Variants in NCK1 observed in about 807,000 individuals in gnomAD.
The protein encoded by NCK1 is SH2/SH3 adapter protein NCK1.
A neutral mutation model predicts 36.6 loss-of-function variants in NCK1; 19 were observed. The observed-to-expected ratio is 0.52, with a 90% CI of 0.36 to 0.76. The LOEUF is 0.76. Among genes scored for constraint, NCK1 ranks in the 30% least tolerant of loss-of-function variants. The pLI is 0.00. For missense variants in NCK1, 358 were observed against 445.6 expected, an observed-to-expected ratio of 0.80 and a Z score of 1.77; for synonymous variants, 165 against 156.0, an observed-to-expected ratio of 1.06 and a Z score of -0.43.
chr3:136,906,078 A>T (rs1011352683), intron 1 of NCK1, among the ~76,000 whole-genome samples: 1 of 151,932 alleles, frequency 6.6e-6, no homozygotes, highest in Non-Finnish European at 1.5e-5. Context: ...ATTGTCTTTC[A>T]TAGGGGAGGA....
chr3:136,937,899 C>A (rs956614769), intron 2 of NCK1, among the ~76,000 whole-genome samples: 4 of 151,856 alleles, frequency 2.6e-5, no homozygotes, highest in Admixed American at 2.0e-4. Flanking sequence ...TTTTTCCCCT[C>A]CCTAATTGCT....
chr3:136,899,543 G>T, intron 1 of NCK1: 1 of 511,022 alleles, frequency 2.0e-6, no homozygotes, highest in South Asian at 2.0e-5. Context: ...AGTCTGGTTT[G>T]GTGTTATTAG....
At chr3:136,870,060 A>T (rs1013174643) in intron 1 of NCK1, among the ~76,000 whole-genome samples, 2 of 144,082 alleles carry the variant, frequency 1.4e-5, no homozygotes, top group African/African-American at 5.2e-5. Flanking sequence ...TAAAAGAATC[A>T]TCCTGGCCCA....
intron 1 of NCK1, among the ~76,000 whole-genome samples, chr3:136,872,112 G>C (rs1473782578): frequency 6.6e-6 from 1 of 152,178 alleles, no homozygotes; most frequent in Admixed American, 6.5e-5. Flanking sequence ...AACAGGCAGA[G>C]GTTGGAACAG....
intron 2 of NCK1, among the ~76,000 whole-genome samples, chr3:136,935,733 A>G (rs1940512494): frequency 1.3e-5 from 2 of 152,240 alleles, no homozygotes; most frequent in South Asian, 4.1e-4. Flanking sequence ...TTTGTATAAC[A>G]TAAAATTAAC....
intron 1 of NCK1, among the ~76,000 whole-genome samples, chr3:136,869,403 A>T (rs1938542840): frequency 6.6e-6 from 1 of 152,038 alleles, no homozygotes; most frequent in South Asian, 2.1e-4. Flanking sequence ...AAATTAGCTG[A>T]GTGTGATGGC....
intron 1 of NCK1, among the ~76,000 whole-genome samples, chr3:136,866,739 GAGT>G (rs1166459841): frequency 1.3e-5 from 2 of 150,762 alleles, no homozygotes; most frequent in Non-Finnish European, 3.0e-5. Flanking sequence ...TCAGTCTTCC[GAGT>G]AGCTAGGATT....
chr3:136,903,419 G>A (rs145447348), intron 1 of NCK1, among the ~76,000 whole-genome samples: 1 of 152,234 alleles, frequency 6.6e-6, no homozygotes, highest in East Asian at 1.9e-4. Flanking sequence ...TATTCAATCA[G>A]TATCTATCTT....
intron 1 of NCK1, among the ~76,000 whole-genome samples, chr3:136,878,265 C>T (rs1001993763): frequency 1.3e-4 from 20 of 151,998 alleles, no homozygotes; most frequent in African/African-American, 3.1e-4. Context: ...ACAAATTAGC[C>T]GGATGTGGTG....
At chr3:136,871,396 T>A (rs963899409) in intron 1 of NCK1, among the ~76,000 whole-genome samples, 2 of 151,730 alleles carry the variant, frequency 1.3e-5, no homozygotes, top group Non-Finnish European at 2.9e-5. Context: ...AGACGCTGTC[T>A]AAAAAAAACA....
chr3:136,928,324 T>G (rs1576983437), intron 2 of NCK1, 97 bp downstream of exon 2: 3 of 1,202,306 alleles, frequency 2.5e-6, no homozygotes, highest in East Asian at 5.1e-5. Context: ...CATAATTGAC[T>G]TGAAAAGGCA....
At position 136,949,607 on chromosome 3, in the gene NCK1, G is replaced by T. The variant is rs1172537424; in HGVS notation, c.*1154G>T. On this transcript the variant is annotated 3_prime_UTR_variant, in exon 4 of 4. Coordinates refer to ENST00000481752, the MANE Select transcript of NCK1 (RefSeq NM_001291999.2). ...TAGAAGAAAACCAGTTGTATTTTAT[G>T]GTCATAATTTGTCCCCCTATTATTC... 1 of 151,856 alleles carries T rather than the reference G, an allele frequency of 6.6e-6. No individual in the cohort carries two copies. Among genetic ancestry groups the T allele is most frequent in the East Asian group, 1.9e-4 (1 of 5,194 alleles). 9.4% of individuals were successfully genotyped at this position (151,856 alleles called of 1,614,324 possible).
intron 1 of NCK1, among the ~76,000 whole-genome samples, chr3:136,915,551 T>G (rs572279751): frequency 6.6e-6 from 1 of 152,276 alleles, no homozygotes; most frequent in Non-Finnish European, 1.5e-5. Flanking sequence ...GGAGGCATGA[T>G]AAACTTTAAT....
At chr3:136,889,816 T>C (rs1939186951) in intron 1 of NCK1, among the ~76,000 whole-genome samples, 1 of 152,178 alleles carries the variant, frequency 6.6e-6, no homozygotes. Flanking sequence ...CGCAGGGTGC[T>C]GATTGGTGTG....
At chr3:136,916,970 TA>T (rs1576975973) in intron 1 of NCK1, among the ~76,000 whole-genome samples, 1 of 152,170 alleles carries the variant, frequency 6.6e-6, no homozygotes, top group African/African-American at 2.4e-5. Context: ...ATTTTGCTTA[TA>T]GGGGCAGCCA....
At chr3:136,941,939 A>G (rs1940689869) in intron 2 of NCK1, among the ~76,000 whole-genome samples, 1 of 152,094 alleles carries the variant, frequency 6.6e-6, no homozygotes, top group Admixed American at 6.5e-5. Flanking sequence ...CCCGGGTTCA[A>G]GCAATTCTCC....
intron 1 of NCK1, among the ~76,000 whole-genome samples, chr3:136,902,198 T>TTTTTTTTTTTTTTTG (rs1939561830): frequency 2.3e-5 from 3 of 131,494 alleles, no homozygotes; most frequent in East Asian, 2.3e-4. Flanking sequence ...TTTTTTTTTT[T>TTTTTTTTTTTTTTTG]TTTTGTTTTT....
chr3:136,895,391 G>T (rs1004620161), intron 1 of NCK1, among the ~76,000 whole-genome samples: 2 of 150,918 alleles, frequency 1.3e-5, no homozygotes, highest in Non-Finnish European at 3.0e-5. Context: ...CATTAAAATT[G>T]CCATACCACC....
chr3:136,919,423 T>C (rs1353740344), intron 1 of NCK1, among the ~76,000 whole-genome samples: 1 of 152,138 alleles, frequency 6.6e-6, no homozygotes, highest in East Asian at 1.9e-4. Flanking sequence ...ATATTGACAG[T>C]TTTGTAGATC....
Sources: allele counts gnomAD v4.1 joint callset (sites outside exome capture counted in the v4.1 genomes callset), GRCh38; gene constraint gnomAD v4.1.1; transcripts MANE v1.5; gene names NCBI Gene and HGNC (gene_info 2026-07-23, HGNC 2026-07-21).